COL8A1: variants seen among roughly 807,000 people sequenced by gnomAD.
The protein encoded by COL8A1 is collagen alpha-1(VIII) chain.
A neutral mutation model predicts 42.7 loss-of-function variants in COL8A1; 21 were observed. The ratio of observed to expected loss-of-function variants is 0.49; its 90% CI spans 0.35 to 0.71. COL8A1 has a LOEUF of 0.71. Among genes scored for constraint, COL8A1 ranks in the 30% least tolerant of loss-of-function variants. The pLI is 0.01. For synonymous variants in COL8A1, 367 were observed against 369.1 expected (o/e 0.99, Z 0.06); for missense variants, 788 against 962.4 (o/e 0.82, Z 2.40).
intron 2 of COL8A1, among the ~76,000 whole-genome samples, chr3:99,782,499 C>A (rs1373358952): frequency 6.6e-6 from 1 of 152,168 alleles, no homozygotes; most frequent in Non-Finnish European, 1.5e-5. Flanking sequence ...TCAAGCAATT[C>A]TCCTGCCTCA....
At chr3:99,679,891 C>T (rs1316194364) in intron 1 of COL8A1, 3 of 152,060 alleles carry the variant, frequency 2.0e-5, no homozygotes, top group Non-Finnish European at 4.4e-5. Flanking sequence ...TTTTTAATAC[C>T]ACAAAAACTT....
At chr3:99,682,628 AAG>A (rs1288615232) in intron 1 of COL8A1, among the ~76,000 whole-genome samples, 1 of 151,972 alleles carries the variant, frequency 6.6e-6, no homozygotes, top group Admixed American at 6.6e-5. Context: ...AAAAAAAAAA[AAG>A]AAGTGCCTTA....
chr3:99,659,772 A>G (rs1408900914), intron 1 of COL8A1, among the ~76,000 whole-genome samples: 1 of 152,178 alleles, frequency 6.6e-6, no homozygotes, highest in African/African-American at 2.4e-5. Context: ...TGAGTCCAGA[A>G]TAAACACTCG....
At chr3:99,702,367 A>G (rs1273015840) in intron 1 of COL8A1, among the ~76,000 whole-genome samples, 1 of 152,246 alleles carries the variant, frequency 6.6e-6, no homozygotes, top group African/African-American at 2.4e-5. Flanking sequence ...ACTTTTGCTT[A>G]AGCCAGGTCT....
intron 2 of COL8A1, among the ~76,000 whole-genome samples, chr3:99,754,996 G>A (rs1292576872): frequency 1.3e-5 from 2 of 152,162 alleles, no homozygotes; most frequent in African/African-American, 4.8e-5. Context: ...TTAAAATACA[G>A]TAGGGTAAAC....
intron 2 of COL8A1, among the ~76,000 whole-genome samples, chr3:99,750,583 G>A (rs568354581): frequency 6.6e-6 from 1 of 152,182 alleles, no homozygotes; most frequent in South Asian, 2.1e-4. Flanking sequence ...GGAGTAAAAT[G>A]CAAATTTTGC....
intron 2 of COL8A1, among the ~76,000 whole-genome samples, chr3:99,768,565 A>G (rs912053228): frequency 1.3e-5 from 2 of 152,258 alleles, no homozygotes; most frequent in Admixed American, 1.3e-4. Flanking sequence ...GGTCTCCTTT[A>G]GATCTCATAC....
chr3:99,670,172 C>T (rs1467144708), intron 1 of COL8A1, among the ~76,000 whole-genome samples: 1 of 152,058 alleles, frequency 6.6e-6, no homozygotes, highest in Non-Finnish European at 1.5e-5. Flanking sequence ...ATTAAACTGA[C>T]ACTAGCAGTA....
intron 2 of COL8A1, among the ~76,000 whole-genome samples, chr3:99,750,769 C>T (rs917857271): frequency 2.0e-5 from 3 of 152,190 alleles, no homozygotes; most frequent in Non-Finnish European, 4.4e-5. Context: ...AAGCATTTCA[C>T]CTGCAGCTAT....
rs561760186 is a variant in COL8A1 at position 99,688,001 on chromosome 3, G to A, written c.-129+49337G>A. Among the ~76,000 whole-genome samples the A allele has an allele frequency of 5.3e-5, 8 of 152,204 alleles. No individual in the cohort carries two copies. In the South Asian group the frequency reaches 6.2e-4, roughly 12 times the overall value. On this transcript the variant is annotated intron_variant, in intron 1 of 3. Transcript: ENST00000652472. ...TGTTACATCCACCAGCACTTCACCC[G>A]TATGATCATCAATATTCATGCAAAA...
At chr3:99,681,968 C>G (rs949324763) in intron 1 of COL8A1, among the ~76,000 whole-genome samples, 3 of 152,208 alleles carry the variant, frequency 2.0e-5, no homozygotes, top group African/African-American at 7.2e-5. Flanking sequence ...AGAGCCAGCT[C>G]TCTTCACCAT....
chr3:99,788,272 T>C (rs984701622), intron 2 of COL8A1, among the ~76,000 whole-genome samples: 1 of 152,196 alleles, frequency 6.6e-6, no homozygotes, highest in African/African-American at 2.4e-5. Flanking sequence ...CCTAAAGAGC[T>C]GGTTTACAGG....
At chr3:99,708,336 A>G (rs555351764) in intron 1 of COL8A1, among the ~76,000 whole-genome samples, 25 of 152,300 alleles carry the variant, frequency 1.6e-4, no homozygotes, top group African/African-American at 5.8e-4. Flanking sequence ...GGTCAGAGAC[A>G]TAACTCAGGG....
At chr3:99,711,716 A>G (rs898884758) in intron 1 of COL8A1, among the ~76,000 whole-genome samples, 5 of 152,204 alleles carry the variant, frequency 3.3e-5, no homozygotes, top group Admixed American at 3.3e-4. Flanking sequence ...TGATGCAATC[A>G]TAGGAAAAAG....
intron 1 of COL8A1, among the ~76,000 whole-genome samples, chr3:99,736,342 G>A (rs1453288495): frequency 1.3e-5 from 2 of 151,960 alleles, no homozygotes; most frequent in African/African-American, 2.4e-5. Context: ...AGAGATTCTG[G>A]TATGTTGTGT....
At chr3:99,737,474 C>A (rs1025962002) in intron 1 of COL8A1, among the ~76,000 whole-genome samples, 2 of 151,922 alleles carry the variant, frequency 1.3e-5, no homozygotes, top group African/African-American at 2.4e-5. Context: ...TTTATTTCTC[C>A]TTCACTTATG....
intron 1 of COL8A1, among the ~76,000 whole-genome samples, chr3:99,696,156 TAAG>T (rs1939360950): frequency 6.6e-6 from 1 of 151,894 alleles, no homozygotes; most frequent in Non-Finnish European, 1.5e-5. Context: ...AAAAACAAAG[TAAG>T]GAGTATCAGC....
At chr3:99,753,762 G>C (rs1941199763) in intron 2 of COL8A1, among the ~76,000 whole-genome samples, 1 of 152,052 alleles carries the variant, frequency 6.6e-6, no homozygotes, top group Non-Finnish European at 1.5e-5. Flanking sequence ...TACATATATA[G>C]TACTTACTAT....
intron 1 of COL8A1, among the ~76,000 whole-genome samples, chr3:99,643,478 T>A (rs1937553587): frequency 6.6e-6 from 1 of 152,204 alleles, no homozygotes; most frequent in African/African-American, 2.4e-5. Context: ...GTATAAAATA[T>A]CCATTTTCCT....
Sources: allele counts gnomAD v4.1 joint callset (sites outside exome capture counted in the v4.1 genomes callset), GRCh38; gene constraint gnomAD v4.1.1; transcripts MANE v1.5; gene names NCBI Gene and HGNC (gene_info 2026-07-23, HGNC 2026-07-21).